Variants in MED27 observed in about 807,000 individuals in gnomAD.
MED27 encodes the protein mediator complex subunit 27.
In MED27, 30 loss-of-function variants were observed where a neutral mutation model predicts 38.2. The ratio of observed to expected loss-of-function variants is 0.79; its 90% CI spans 0.59 to 1.07. MED27 has a LOEUF of 1.07. Ranked by LOEUF, MED27 falls within the 50% of genes least tolerant of loss-of-function variation. The pLI, the probability that MED27 is intolerant of heterozygous loss-of-function variation, is 0.00. For synonymous variants in MED27, 122 were observed against 153.5 expected (o/e 0.79, Z 1.52); for missense variants, 289 against 397.5 (o/e 0.73, Z 2.32).
rs765750624 is a variant in MED27 at position 131,862,983 on chromosome 9, C to T, written c.801+80G>A. 26 of 1,243,724 alleles carry T rather than the reference C, an allele frequency of 2.1e-5. No individual in the cohort carries two copies. Among genetic ancestry groups the T allele is most frequent in the Middle Eastern group, 1.9e-4 (1 of 5,270 alleles). 77.0% of individuals were successfully genotyped at this position (1,243,724 alleles called of 1,614,324 possible). On this transcript the variant is annotated intron_variant, in intron 7 of 7. Coordinates refer to ENST00000292035, the MANE Select transcript of MED27 (RefSeq NM_004269.4). This position sits in a 1 kb window ranked among gnomAD's most constrained non-coding sequence, Gnocchi z 4.6. The stretch of plus-strand genomic sequence containing the variant: ...AGGCCCTCAAAGTCTGAAGATGCAA[C>T]GGCTGCCCTTCAAGCTCCCTGTTCT...
chr9:131,964,398 C>T (rs78958678), intron 3 of MED27, among the ~76,000 whole-genome samples: 2 of 2,878 alleles, frequency 6.9e-4, no homozygotes, highest in African/African-American at 1.2e-3. Flanking sequence ...GGTGGTGATG[C>T]TGGAGGTGAT....
chr9:131,992,375 T>C (rs1831994086), intron 3 of MED27, among the ~76,000 whole-genome samples: 1 of 152,186 alleles, frequency 6.6e-6, no homozygotes, highest in African/African-American at 2.4e-5. Flanking sequence ...CTGTCGATAC[T>C]GCACCTCTTT....
chr9:132,015,755 T>C (rs1294519907), intron 2 of MED27, among the ~76,000 whole-genome samples: 4 of 152,250 alleles, frequency 2.6e-5, no homozygotes, highest in Non-Finnish European at 5.9e-5. Flanking sequence ...TCTAATTCTA[T>C]ACTTTTGTAT....
chr9:132,013,875 T>G (rs1167400551), intron 3 of MED27, among the ~76,000 whole-genome samples: 2 of 152,164 alleles, frequency 1.3e-5, no homozygotes, highest in Non-Finnish European at 2.9e-5. Flanking sequence ...CCATCATGCT[T>G]GGTTTCTAAT....
intron 3 of MED27, among the ~76,000 whole-genome samples, chr9:132,007,176 C>T (rs1194371189): frequency 1.3e-5 from 2 of 152,172 alleles, no homozygotes; most frequent in Non-Finnish European, 2.9e-5. Context: ...TTCCTTCCAG[C>T]AACACTTGTC....
At position 131,880,994 on chromosome 9, in the gene MED27, C is replaced by T. The variant is rs956377092; in HGVS notation, c.723+3064G>A. Among the ~76,000 whole-genome samples, 3 of 151,830 alleles carry T rather than the reference C, an allele frequency of 2.0e-5. No individual in the cohort carries two copies. The East Asian group carries it at 5.8e-4, about 29-fold the overall frequency. ...AATGGAAATGGACCATTGTTAAATACCAAGTTACAAGCTGCAATGCTTACA... is the reference window on the plus strand; with the variant it reads ...AATGGAAATGGACCATTGTTAAATATCAAGTTACAAGCTGCAATGCTTACA... On this transcript the variant is annotated intron_variant, in intron 6 of 7. Transcript: ENST00000292035.
At chr9:131,970,132 C>T (rs570857455) in intron 3 of MED27, among the ~76,000 whole-genome samples, 6 of 152,368 alleles carry the variant, frequency 3.9e-5, no homozygotes, top group Non-Finnish European at 8.8e-5. Flanking sequence ...GCAAGGTCCT[C>T]TGAGGGTGTG....
chr9:131,944,375 T>C (rs1163305891), intron 3 of MED27, among the ~76,000 whole-genome samples: 1 of 152,136 alleles, frequency 6.6e-6, no homozygotes, highest in African/African-American at 2.4e-5. Flanking sequence ...TTGTTTCAAA[T>C]CCACTTACTA....
intron 6 of MED27, 74 bp from the exon 7 acceptor site, chr9:131,863,214 C>A (rs947969512): frequency 3.3e-6 from 4 of 1,209,688 alleles, no homozygotes; most frequent in Non-Finnish European, 1.2e-6. Context: ...GACAAATGCA[C>A]GCCTTCTGTG....
In MED27 at chr9:131,968,002, A is replaced by G. The variant is rs375879587; in HGVS notation, c.480-28528T>C. On this transcript the variant is annotated intron_variant, in intron 3 of 7. Transcript: ENST00000292035. ...CCAGCTAATTTTTTGTATTTTTTTT[A>G]GTAGAGACGGGGTTTCACCGTGTTA... Among the ~76,000 whole-genome samples the G allele has an allele frequency of 3.3e-5, 5 of 151,292 alleles. No individual in the cohort carries two copies. The East Asian group carries it at 9.8e-4, about 30-fold the overall frequency.
chr9:131,964,818 A>C (rs1364597464), intron 3 of MED27, among the ~76,000 whole-genome samples: 4 of 152,224 alleles, frequency 2.6e-5, no homozygotes, highest in Non-Finnish European at 5.9e-5. Context: ...CCCATATTTT[A>C]AGCTTTCCCA....
chr9:132,007,029 A>C (rs906976374), intron 3 of MED27, among the ~76,000 whole-genome samples: 1 of 152,250 alleles, frequency 6.6e-6, no homozygotes, highest in African/African-American at 2.4e-5. Flanking sequence ...AGGCGGTGGC[A>C]GAAAATGAGC....
rs1275730125 is a variant in MED27 at position 131,925,011 on chromosome 9, G to A, written c.573+14370C>T. Among the ~76,000 whole-genome samples, 8 of 152,104 alleles carry A rather than the reference G, an allele frequency of 5.3e-5. No homozygotes were observed. The East Asian group carries it at 5.8e-4, about 11-fold the overall frequency. The stretch of plus-strand genomic sequence containing the variant: ...TTTAGGTCTACATTTTTGTTCTCAC[G>A]CTTACCCAATAGATGACAGGAACAT... On this transcript the variant is annotated intron_variant, in intron 4 of 7. Coordinates refer to ENST00000292035, the MANE Select transcript of MED27 (RefSeq NM_004269.4).
At chr9:132,030,799 C>T (rs1054949698) in intron 2 of MED27, among the ~76,000 whole-genome samples, 1 of 152,230 alleles carries the variant, frequency 6.6e-6, no homozygotes, top group African/African-American at 2.4e-5. Flanking sequence ...TGTTCACCTG[C>T]ATTCTCTCCC....
chr9:132,027,852 C>T (rs756156573), intron 2 of MED27, among the ~76,000 whole-genome samples: 1 of 152,216 alleles, frequency 6.6e-6, no homozygotes, highest in African/African-American at 2.4e-5. Context: ...ATCCAAAACA[C>T]ATTCAGATGC....
chr9:131,914,504 A>G (rs1830250795), intron 4 of MED27, among the ~76,000 whole-genome samples: 1 of 152,250 alleles, frequency 6.6e-6, no homozygotes, highest in South Asian at 2.1e-4. Context: ...GTGCTACTGT[A>G]TATGAGGGAT....
At chr9:132,006,791 A>G (rs1361578025) in intron 3 of MED27, among the ~76,000 whole-genome samples, 1 of 152,186 alleles carries the variant, frequency 6.6e-6, no homozygotes, top group Non-Finnish European at 1.5e-5. Context: ...TTTAAACAGC[A>G]ATGACGATCA....
chr9:131,880,119 T>G (rs1839010948), intron 6 of MED27, among the ~76,000 whole-genome samples: 1 of 151,968 alleles, frequency 6.6e-6, no homozygotes, highest in South Asian at 2.1e-4. Context: ...GTCACCGCCC[T>G]GGGATGGAGG....
intron 3 of MED27, among the ~76,000 whole-genome samples, chr9:131,981,623 G>A (rs1024873229): frequency 2.6e-5 from 4 of 152,192 alleles, no homozygotes; most frequent in Non-Finnish European, 4.4e-5. Flanking sequence ...AGCCTGGGCC[G>A]TTGAAGCTGG....
Sources: gnomAD v4.1 joint callset for allele counts (sites outside exome capture counted in the v4.1 genomes callset) on GRCh38, gnomAD v4.1.1 for gene constraint, Gnocchi (gnomAD v3.1) non-coding constraint, MANE v1.5 for transcripts, NCBI Gene and HGNC (gene_info 2026-07-23, HGNC 2026-07-21) for gene names.